The following SLC24A2 variants were observed in gnomAD, a reference collection of about 807,000 sequenced individuals.
SLC24A2 encodes the protein sodium/potassium/calcium exchanger 2.
A neutral mutation model predicts 62.0 loss-of-function variants in SLC24A2; 36 were observed. The ratio of observed to expected loss-of-function variants is 0.58; its 90% CI spans 0.44 to 0.77. The LOEUF (loss-of-function observed/expected upper bound fraction) is 0.77, where lower values mean the gene tolerates loss of function less well. SLC24A2 is among the 30% of genes least tolerant of loss of function. The pLI is 0.00. For synonymous variants in SLC24A2, 358 were observed against 294.0 expected, an observed-to-expected ratio of 1.22 and a Z score of -2.23; for missense variants, 846 against 817.9, an observed-to-expected ratio of 1.03 and a Z score of -0.42.
At chr9:19,886,448 T>A in the SLC24A2 span, among the ~76,000 whole-genome samples, 5 of 151,802 alleles carry the variant, frequency 3.3e-5, no homozygotes, top group African/African-American at 1.2e-4. Context: ...AACAAACATA[T>A]GAAAAAAAGC....
chr9:19,788,845 C>G, intron 1 of SLC24A2, 40 bp downstream of exon 1: 1 of 985,444 alleles, frequency 1.0e-6, no homozygotes, highest in African/African-American at 1.7e-5. Context: ...ACCGCCACAG[C>G]GGCTACAGCG....
chr9:19,935,223 G>T, the SLC24A2 span, among the ~76,000 whole-genome samples: 1 of 151,634 alleles, frequency 6.6e-6, no homozygotes, highest in South Asian at 2.1e-4. Context: ...ATCGGGATTG[G>T]GGGGTGGGGT....
chr9:20,293,432 T>C, the SLC24A2 span, among the ~76,000 whole-genome samples: 1 of 152,144 alleles, frequency 6.6e-6, no homozygotes, highest in African/African-American at 2.4e-5. Flanking sequence ...TTGGTGTCAT[T>C]GTAGGGAACC....
intron 2 of SLC24A2, among the ~76,000 whole-genome samples, chr9:19,767,311 C>G (rs916965670): frequency 6.6e-6 from 1 of 152,188 alleles, no homozygotes; most frequent in South Asian, 2.1e-4. Flanking sequence ...ACGGTTTTGT[C>G]TCACTGGCAT....
At chr9:19,518,166 T>C (rs1358361233) in intron 10 of SLC24A2, among the ~76,000 whole-genome samples, 7 of 152,202 alleles carry the variant, frequency 4.6e-5, no homozygotes, top group African/African-American at 1.7e-4. Context: ...TGAGTATCTC[T>C]AATAATCTCT....
chr9:19,577,466 C>T (rs1794406808), intron 5 of SLC24A2, among the ~76,000 whole-genome samples: 1 of 152,128 alleles, frequency 6.6e-6, no homozygotes, highest in South Asian at 2.1e-4. Flanking sequence ...TTGAGTATCC[C>T]TAACTGAAAA....
At chr9:19,744,405 C>T (rs900063898) in intron 2 of SLC24A2, among the ~76,000 whole-genome samples, 5 of 152,158 alleles carry the variant, frequency 3.3e-5, no homozygotes, top group African/African-American at 4.8e-5. Flanking sequence ...TTCAGTTCTT[C>T]TCTATCCTCA....
At chr9:19,589,304 G>C (rs1836478279) in intron 5 of SLC24A2, among the ~76,000 whole-genome samples, 1 of 152,168 alleles carries the variant, frequency 6.6e-6, no homozygotes, top group South Asian at 2.1e-4. Flanking sequence ...AATGAACGAA[G>C]AAAGTCTAAA....
chr9:19,935,076 C>T, the SLC24A2 span, among the ~76,000 whole-genome samples: 1 of 150,810 alleles, frequency 6.6e-6, no homozygotes, highest in African/African-American at 2.4e-5. Context: ...TATTTTGGTG[C>T]TGTTGTTGGT....
At chr9:20,040,216 G>A in the SLC24A2 span, among the ~76,000 whole-genome samples, 2 of 152,102 alleles carry the variant, frequency 1.3e-5, no homozygotes, top group Admixed American at 6.5e-5. Context: ...TTTTGTTGTT[G>A]TTAGTGTTTA....
chr9:19,517,655 T>C (rs1832994750), intron 10 of SLC24A2, among the ~76,000 whole-genome samples: 1 of 152,132 alleles, frequency 6.6e-6, no homozygotes, highest in Non-Finnish European at 1.5e-5. Context: ...CAGTAGAGTC[T>C]GGCCAGGAGG....
At chr9:20,249,896 T>A in the SLC24A2 span, among the ~76,000 whole-genome samples, 3 of 152,152 alleles carry the variant, frequency 2.0e-5, no homozygotes, top group Non-Finnish European at 4.4e-5. Context: ...CATAGACTCA[T>A]CTGTATAGAT....
In SLC24A2 at chr9:19,630,933, C is replaced by T. The variant is rs114997773; in HGVS notation, c.931-8634G>A. Among the ~76,000 whole-genome samples, 1,268 of 152,244 alleles carry T rather than the reference C, an allele frequency of 8.3e-3. 17 individuals are homozygous for T. Among genetic ancestry groups the T allele is most frequent in the African/African-American group, 0.026 (1,094 of 41,554 alleles). Reference sequence around the variant, plus strand: ...GAGGAAGCTAAACTCATTCATGTCACGAAGATGAGTTATAAAAGTGGGACG... The same window carrying T: ...GAGGAAGCTAAACTCATTCATGTCATGAAGATGAGTTATAAAAGTGGGACG... On this transcript the variant is annotated intron_variant, in intron 2 of 10. Coordinates refer to ENST00000341998, the MANE Select transcript of SLC24A2 (RefSeq NM_020344.4).
intron 2 of SLC24A2, among the ~76,000 whole-genome samples, chr9:19,675,614 T>C (rs1587135742): frequency 6.6e-6 from 1 of 152,056 alleles, no homozygotes; most frequent in Admixed American, 6.6e-5. Flanking sequence ...TGCTGTGTCA[T>C]GAAGGTCGCC....
the SLC24A2 span, among the ~76,000 whole-genome samples, chr9:19,980,996 G>A: frequency 8.5e-5 from 13 of 152,084 alleles, no homozygotes; most frequent in Non-Finnish European, 1.9e-4. Flanking sequence ...CTCCCCAAGA[G>A]GGTAACACTT....
At chr9:19,862,672 A>G in the SLC24A2 span, among the ~76,000 whole-genome samples, 5 of 152,074 alleles carry the variant, frequency 3.3e-5, no homozygotes, top group African/African-American at 1.2e-4. Context: ...CAGTAACAAC[A>G]AAAAAATTAA....
intron 4 of SLC24A2, among the ~76,000 whole-genome samples, chr9:19,614,381 T>G (rs1817710547): frequency 6.6e-6 from 1 of 152,206 alleles, no homozygotes; most frequent in Non-Finnish European, 1.5e-5. Flanking sequence ...CAGCTATGTT[T>G]GAACTAAACC....
chr9:20,066,585 A>G, the SLC24A2 span, among the ~76,000 whole-genome samples: 1 of 152,250 alleles, frequency 6.6e-6, no homozygotes, highest in Non-Finnish European at 1.5e-5. Flanking sequence ...CCATCTGCAC[A>G]GCCCAGCTTT....
intron 2 of SLC24A2, among the ~76,000 whole-genome samples, chr9:19,740,791 T>G (rs1821651072): frequency 6.6e-6 from 1 of 151,910 alleles, no homozygotes; most frequent in Non-Finnish European, 1.5e-5. Context: ...TTGTTATTGC[T>G]GGGTTACGGA....
Sources: gnomAD v4.1 joint callset for allele counts (sites outside exome capture counted in the v4.1 genomes callset) on GRCh38, gnomAD v4.1.1 for gene constraint, MANE v1.5 for transcripts, NCBI Gene and HGNC (gene_info 2026-07-23, HGNC 2026-07-21) for gene names.